LANCL3: variants seen among roughly 807,000 people sequenced by gnomAD.
LANCL3 encodes the protein lanC-like protein 3.
A neutral mutation model predicts 26.5 loss-of-function variants in LANCL3; 19 were observed. That is an observed-to-expected ratio of 0.72 (90% CI 0.50 to 1.05). The LOEUF (loss-of-function observed/expected upper bound fraction) is 1.05. Among genes scored for constraint, LANCL3 ranks in the 50% least tolerant of loss-of-function variants. The probability of loss-of-function intolerance (pLI) is 0.00; values close to 1 mark genes in which losing one functional copy is unlikely to be tolerated. For synonymous variants in LANCL3, 160 were observed against 166.6 expected (o/e 0.96, Z 0.30); for missense variants, 318 against 362.7 (o/e 0.88, Z 1.00).
At chrX:37,620,366 T>A (rs189793361) in intron 1 of LANCL3, among the ~76,000 whole-genome samples, 2 of 111,922 alleles carry the variant, frequency 1.8e-5, no homozygotes, top group Admixed American at 1.9e-4. Context: ...GTCTCAGACA[T>A]GGAAAGATAA....
At chrX:37,617,936 G>T (rs1213218553) in intron 1 of LANCL3, among the ~76,000 whole-genome samples, 3 of 111,936 alleles carry the variant, frequency 2.7e-5, no homozygotes, top group Non-Finnish European at 5.6e-5. Flanking sequence ...GGAATCATGT[G>T]CAGAAACCCA....
At chrX:37,621,429 A>T (rs1381278478) in intron 1 of LANCL3, among the ~76,000 whole-genome samples, 1 of 112,371 alleles carries the variant, frequency 8.9e-6, no homozygotes, top group East Asian at 2.8e-4. Context: ...CTGGTTGAAG[A>T]TCATCTTTAT....
At chrX:37,597,808 A>T (rs1194708837) in intron 1 of LANCL3, among the ~76,000 whole-genome samples, 2 of 107,871 alleles carry the variant, frequency 1.9e-5, no homozygotes, top group Non-Finnish European at 3.8e-5. Flanking sequence ...TGAGCTGCCA[A>T]GCCTGGCCAC....
At chrX:37,643,497 G>GGAAC (rs1444176196) in intron 1 of LANCL3, among the ~76,000 whole-genome samples, 13 of 112,172 alleles carry the variant, frequency 1.2e-4, no homozygotes, top group Non-Finnish European at 2.3e-4. Context: ...GTCCAGAGAA[G>GGAAC]TTGCATGATT....
At chrX:37,628,845 C>A (rs1205433107) in intron 1 of LANCL3, among the ~76,000 whole-genome samples, 1 of 109,963 alleles carries the variant, frequency 9.1e-6, no homozygotes. Context: ...TCCAGTCTAT[C>A]ATTGTTGGAC....
chrX:37,634,084 AC>A (rs781974054), intron 1 of LANCL3, among the ~76,000 whole-genome samples: 1 of 112,633 alleles, frequency 8.9e-6, no homozygotes, highest in South Asian at 3.7e-4. Flanking sequence ...GGTGGGCTCC[AC>A]CCAGTTCGAG....
chrX:37,591,881 CT>C (rs782020425), intron 1 of LANCL3, among the ~76,000 whole-genome samples: 1 of 110,171 alleles, frequency 9.1e-6, no homozygotes, highest in East Asian at 2.9e-4. Context: ...ACTCAAAGAG[CT>C]GATAAAGAAG....
chrX:37,611,437 C>T (rs1237065504), intron 1 of LANCL3, among the ~76,000 whole-genome samples: 1 of 111,195 alleles, frequency 9.0e-6, no homozygotes, highest in African/African-American at 3.3e-5. Context: ...ATACTCCATC[C>T]TTGCCACGAA....
At chrX:37,660,005 C>G (rs1432971438) in intron 3 of LANCL3, among the ~76,000 whole-genome samples, 2 of 111,254 alleles carry the variant, frequency 1.8e-5, no homozygotes, top group African/African-American at 6.5e-5. Context: ...TTATAGTTCC[C>G]AGTGTACCCC....
At chrX:37,631,757 C>T (rs1356703097) in intron 1 of LANCL3, among the ~76,000 whole-genome samples, 6 of 111,167 alleles carry the variant, frequency 5.4e-5, no homozygotes, top group South Asian at 7.7e-4. Flanking sequence ...TGTAGTTGAG[C>T]GGTTTTGAGT....
At chrX:37,599,414 G>A (rs1330418438) in intron 1 of LANCL3, among the ~76,000 whole-genome samples, 9 of 111,997 alleles carry the variant, frequency 8.0e-5, no homozygotes, top group African/African-American at 2.6e-4. Flanking sequence ...ACATAGATCT[G>A]GGGTAGGGTG....
Position 37,659,574 on chromosome X carries a change from G to A in LANCL3, c.810G>A (p.Gln270=). 8.3e-7 allele frequency: 1 copy of A among 1,210,584 alleles called. No homozygotes were observed. Among genetic ancestry groups the A allele is most frequent in the African/African-American group, 1.7e-5 (1 of 57,617 alleles). ...AGAGCGTGGACTTTCTCATGGAACA[G>A]GAACAAAACTGCAACTGGCCACCTG... is the stretch of plus-strand genomic sequence containing the variant. ...VWQSVDFLME[Q]EQNCNWPPEL... Residue 270 remains glutamine (Q), a synonymous_variant, in exon 3 of 5, where the codon CAG becomes CAA. Transcript: ENST00000378619.
intron 1 of LANCL3, among the ~76,000 whole-genome samples, chrX:37,606,446 T>G: frequency 8.9e-6 from 1 of 112,443 alleles, no homozygotes. Flanking sequence ...CAGGCCTTTT[T>G]AAGAATAGCA....
intron 1 of LANCL3, among the ~76,000 whole-genome samples, chrX:37,640,291 G>T (rs1175027000): frequency 9.0e-6 from 1 of 111,664 alleles, no homozygotes; most frequent in Non-Finnish European, 1.9e-5. Context: ...GTTGGAAGGG[G>T]AAGTAGGCAC....
chrX:37,639,243 A>T (rs1444244169), intron 1 of LANCL3, among the ~76,000 whole-genome samples: 1 of 101,454 alleles, frequency 9.9e-6, no homozygotes, highest in Non-Finnish European at 2.0e-5. Flanking sequence ...GTACCTACAT[A>T]CATATACACA....
intron 1 of LANCL3, among the ~76,000 whole-genome samples, chrX:37,649,794 T>C (rs1556428225): frequency 1.8e-5 from 2 of 111,033 alleles, no homozygotes; most frequent in African/African-American, 6.6e-5. Context: ...ACTGGACAGA[T>C]AATTCTGAGT....
chrX:37,600,236 TTTA>T (rs1234135914), intron 1 of LANCL3, among the ~76,000 whole-genome samples: 1 of 111,964 alleles, frequency 8.9e-6, no homozygotes, highest in Non-Finnish European at 1.9e-5. Context: ...ATTGTTCTAT[TTTA>T]TTATTAGTTA....
At chrX:37,652,469 A>T (rs1219175178) in intron 1 of LANCL3, among the ~76,000 whole-genome samples, 3 of 111,975 alleles carry the variant, frequency 2.7e-5, no homozygotes, top group Non-Finnish European at 5.6e-5. Flanking sequence ...AGTTAAACTA[A>T]ACAAAACGGT....
intron 1 of LANCL3, among the ~76,000 whole-genome samples, chrX:37,648,255 C>A (rs1259118782): frequency 1.8e-5 from 2 of 112,551 alleles, no homozygotes; most frequent in Admixed American, 9.4e-5. Flanking sequence ...GATTTGTATA[C>A]TCCAGATATA....
Sources: allele counts gnomAD v4.1 joint callset (sites outside exome capture counted in the v4.1 genomes callset), GRCh38; gene constraint gnomAD v4.1.1; transcripts MANE v1.5; gene names NCBI Gene and HGNC (gene_info 2026-07-23, HGNC 2026-07-21).